The following GNG12 variants were observed in gnomAD, a reference collection of about 807,000 sequenced individuals.
GNG12 encodes the protein G protein subunit gamma 12, also known as guanine nucleotide-binding protein G(I)/G(S)/G(O) subunit gamma-12.
For missense variants in GNG12, 69 were observed against 83.8 expected, an observed-to-expected ratio of 0.82 and a Z score of 0.69; for synonymous variants, 28 against 29.7, an observed-to-expected ratio of 0.94 and a Z score of 0.19.
intron 2 of GNG12, among the ~76,000 whole-genome samples, chr1:67,730,687 T>C (rs1259137468): frequency 1.3e-5 from 2 of 152,234 alleles, no homozygotes; most frequent in East Asian, 3.8e-4. Context: ...GCTGTGTATT[T>C]CACTTATGGT....
chr1:67,796,580 TA>T (rs1646832628), intron 1 of GNG12, among the ~76,000 whole-genome samples: 1 of 152,278 alleles, frequency 6.6e-6, no homozygotes, highest in East Asian at 1.9e-4. Flanking sequence ...AGGCACTCAA[TA>T]AATATGTATT....
chr1:67,786,663 CTG>C (rs1263611574), intron 1 of GNG12, among the ~76,000 whole-genome samples: 3 of 152,098 alleles, frequency 2.0e-5, no homozygotes, highest in Admixed American at 2.0e-4. Flanking sequence ...TAGCTCACGC[CTG>C]TAATACCAGC....
intron 1 of GNG12, among the ~76,000 whole-genome samples, chr1:67,799,015 T>C: frequency 6.6e-6 from 1 of 152,208 alleles, no homozygotes; most frequent in South Asian, 2.1e-4. Flanking sequence ...CTCATGCTTT[T>C]CTTAATACGT....
intron 1 of GNG12, among the ~76,000 whole-genome samples, chr1:67,803,170 C>T (rs538970475): frequency 2.0e-5 from 3 of 152,228 alleles, no homozygotes; most frequent in African/African-American, 4.8e-5. Context: ...ATCCTACATC[C>T]CCAAAATTTT....
intron 2 of GNG12, among the ~76,000 whole-genome samples, chr1:67,742,469 G>A (rs992221720): frequency 6.6e-6 from 1 of 152,076 alleles, no homozygotes; most frequent in Non-Finnish European, 1.5e-5. Flanking sequence ...GAAGCTTATA[G>A]CTCTAACTCT....
rs530837696 is a variant in GNG12, at chr1:67,728,366, G to A, written c.-26-20654C>T. 1.2e-3 allele frequency among the ~76,000 whole-genome samples: 186 copies of A among 152,260 alleles called. 1 individual carries two copies. The highest frequency in any genetic ancestry group is 4.3e-3 in the African/African-American group (180 of 41,534). On this transcript the variant is annotated intron_variant, in intron 2 of 3. Coordinates refer to ENST00000370982, the MANE Select transcript of GNG12 (RefSeq NM_018841.6). ...CATGGTCTCCCTGATTGCTCTGTCT[G>A]GTGCCTTGTTCGAGTCACTTCTTTT...
At chr1:67,775,591 T>C (rs1203751128) in intron 2 of GNG12, among the ~76,000 whole-genome samples, 1 of 152,170 alleles carries the variant, frequency 6.6e-6, no homozygotes, top group Non-Finnish European at 1.5e-5. Flanking sequence ...TCTTGGTTGA[T>C]TAAGTACCTG....
At chr1:67,798,114 G>A (rs947012123) in intron 1 of GNG12, among the ~76,000 whole-genome samples, 1 of 152,042 alleles carries the variant, frequency 6.6e-6, no homozygotes, top group African/African-American at 2.4e-5. Flanking sequence ...CTACACCAAG[G>A]GTCCCCAACT....
chr1:67,826,545 CCCATGGTCTAATGTGCAGG>C (rs1317440247), intron 1 of GNG12, among the ~76,000 whole-genome samples: 5 of 152,126 alleles, frequency 3.3e-5, no homozygotes, highest in Admixed American at 3.3e-4. Context: ...CACATGAAGC[CCCATGGTCTAATGTGCAGG>C]CCATGGTCTA....
Position 67,707,623 on chromosome 1 carries a change from T to C in GNG12, c.64A>G (p.Arg22Gly). The C allele has an allele frequency of 6.2e-7, 1 of 1,602,172 alleles. No individual in the cohort carries two copies. Among genetic ancestry groups the C allele is most frequent in the Non-Finnish European group, 8.5e-7 (1 of 1,172,358 alleles). Residue 22 changes from arginine to glycine, a missense_variant, in exon 3 of 4, where the codon AGA (arginine) becomes GGA (glycine). Coordinates refer to ENST00000370982, the MANE Select transcript of GNG12 (RefSeq NM_018841.6). ...ATTCTTTCAATGGAGGCTTCTAATC[T>C]TAACTGCTGCACAGTTCTCCTTGCC... is the stretch of plus-strand genomic sequence containing the variant. ...AQARRTVQQLRLEASIERIKV... is the reference protein window; with the variant it reads ...AQARRTVQQLGLEASIERIKV...
chr1:67,760,126 G>A (rs954563224), intron 2 of GNG12, among the ~76,000 whole-genome samples: 2 of 152,208 alleles, frequency 1.3e-5, no homozygotes, highest in African/African-American at 2.4e-5. Context: ...TCACTGTGGC[G>A]AAGTGCTGAG....
At chr1:67,830,345 G>A (rs951631225) in intron 1 of GNG12, among the ~76,000 whole-genome samples, 27 of 152,306 alleles carry the variant, frequency 1.8e-4, no homozygotes, top group African/African-American at 6.3e-4. Context: ...TTTAGGAAAT[G>A]AGTCAACAAT....
At chr1:67,780,909 G>C (rs1646733956) in intron 1 of GNG12, among the ~76,000 whole-genome samples, 2 of 152,168 alleles carry the variant, frequency 1.3e-5, no homozygotes, top group Admixed American at 1.3e-4. Context: ...TGCCAGAAAA[G>C]ACACATGCTG....
intron 2 of GNG12, among the ~76,000 whole-genome samples, chr1:67,769,519 G>T (rs1338537676): frequency 1.3e-5 from 2 of 152,286 alleles, no homozygotes; most frequent in Non-Finnish European, 2.9e-5. Context: ...ATGCTTCCAT[G>T]AAGCACAGCA....
At chr1:67,785,155 C>T (rs1646760749) in intron 1 of GNG12, among the ~76,000 whole-genome samples, 1 of 152,146 alleles carries the variant, frequency 6.6e-6, no homozygotes, top group Non-Finnish European at 1.5e-5. Flanking sequence ...ATATTGTTTC[C>T]TATAAGAAAG....
intron 2 of GNG12, among the ~76,000 whole-genome samples, chr1:67,717,668 T>C (rs1213172231): frequency 6.6e-6 from 1 of 152,234 alleles, no homozygotes; most frequent in Admixed American, 6.5e-5. Flanking sequence ...ACTTCTTTGC[T>C]ACAAAAGCCT....
At chr1:67,800,703 T>A (rs1374399666) in intron 1 of GNG12, among the ~76,000 whole-genome samples, 1 of 152,208 alleles carries the variant, frequency 6.6e-6, no homozygotes, top group African/African-American at 2.4e-5. Context: ...TTTTTGAGTG[T>A]GTGATGATAA....
chr1:67,759,157 T>G (rs1646587689), intron 2 of GNG12, among the ~76,000 whole-genome samples: 1 of 152,174 alleles, frequency 6.6e-6, no homozygotes, highest in South Asian at 2.1e-4. Context: ...TATGCACAAC[T>G]ATTATACAAC....
intron 2 of GNG12, among the ~76,000 whole-genome samples, chr1:67,756,946 A>G (rs1646573266): frequency 6.6e-6 from 1 of 152,234 alleles, no homozygotes; most frequent in Non-Finnish European, 1.5e-5. Flanking sequence ...GGCCTGGACC[A>G]TCCAGAGCCT....
Sources: gnomAD v4.1 joint callset for allele counts (sites outside exome capture counted in the v4.1 genomes callset) on GRCh38, gnomAD v4.1.1 for gene constraint, MANE v1.5 for transcripts, NCBI Gene and HGNC (gene_info 2026-07-23, HGNC 2026-07-21) for gene names.